ZSWIM6: variants seen among roughly 807,000 people sequenced by gnomAD.
ZSWIM6 encodes the protein zinc finger SWIM domain-containing protein 6.
ZSWIM6 carries 9 observed loss-of-function variants against 113.2 expected under a neutral mutation model. The observed-to-expected ratio is 0.08, with a 90% CI of 0.05 to 0.14. The LOEUF (loss-of-function observed/expected upper bound fraction) is 0.14. ZSWIM6 is among the 10% of genes least tolerant of loss of function. ZSWIM6 has a pLI of 1.00. For synonymous variants in ZSWIM6, 611 were observed against 606.5 expected, an observed-to-expected ratio of 1.01 and a Z score of -0.11; for missense variants, 1,162 against 1,552.2, an observed-to-expected ratio of 0.75 and a Z score of 4.22.
chr5:61,359,412 T>C (rs1226755723), intron 1 of ZSWIM6, among the ~76,000 whole-genome samples: 4 of 152,128 alleles, frequency 2.6e-5, no homozygotes, highest in Non-Finnish European at 5.9e-5. Context: ...TCTCCTCCCC[T>C]TTAAAAAAAT....
intron 1 of ZSWIM6, among the ~76,000 whole-genome samples, chr5:61,456,890 C>CT (rs57188174): frequency 0.2 from 27,982 of 142,540 alleles, 2,593 homozygotes; most frequent in African/African-American, 0.25. Flanking sequence ...TATCCAATTT[C>CT]TTTTTTTTTT....
intron 1 of ZSWIM6, among the ~76,000 whole-genome samples, chr5:61,341,111 C>G (rs1308926199): frequency 6.6e-6 from 1 of 152,214 alleles, no homozygotes; most frequent in Non-Finnish European, 1.5e-5. Context: ...CGGCCTGTGT[C>G]TACGTGGGTT....
intron 4 of ZSWIM6, among the ~76,000 whole-genome samples, chr5:61,506,774 C>T (rs976371317): frequency 2.6e-5 from 4 of 151,986 alleles, no homozygotes; most frequent in African/African-American, 9.7e-5. Flanking sequence ...CATTTCATGG[C>T]CTCTAAATAA....
intron 1 of ZSWIM6, among the ~76,000 whole-genome samples, chr5:61,387,102 AT>A (rs145108654): frequency 0.12 from 17,875 of 152,156 alleles, 1,118 homozygotes; most frequent in Middle Eastern, 0.16. Context: ...GTAGTTGCTT[AT>A]GTCAGAAAAT....
intron 1 of ZSWIM6, among the ~76,000 whole-genome samples, chr5:61,415,637 G>C (rs1746232764): frequency 6.6e-6 from 1 of 151,470 alleles, no homozygotes; most frequent in Non-Finnish European, 1.5e-5. Context: ...GAATATGTTT[G>C]TGTGTTGGGA....
chr5:61,358,560 T>A (rs574957733), intron 1 of ZSWIM6, among the ~76,000 whole-genome samples: 2 of 152,372 alleles, frequency 1.3e-5, no homozygotes, highest in South Asian at 4.1e-4. Flanking sequence ...CTGGAACATA[T>A]AGTCGTCTTA....
rs1187341169 is a variant in ZSWIM6 at position 61,543,254 on chromosome 5, T to G, written c.2786-201T>G. On this transcript the variant is annotated intron_variant, in intron 13 of 13. Coordinates refer to ENST00000252744, the MANE Select transcript of ZSWIM6 (RefSeq NM_020928.2). The surrounding 1 kb of genome is among the most constrained non-coding windows in gnomAD (Gnocchi z 4.3). ...TTATTATAGCAAGTTCATGTTCCTT[T>G]CAGGCATTTCACTGAATAACAATTC... Among the ~76,000 whole-genome samples, 1 of 152,234 alleles carries G rather than the reference T, an allele frequency of 6.6e-6. No homozygotes were observed. Among genetic ancestry groups the G allele is most frequent in the Non-Finnish European group, 1.5e-5 (1 of 68,034 alleles).
chr5:61,438,855 C>T (rs1746766450), intron 1 of ZSWIM6, among the ~76,000 whole-genome samples: 1 of 152,048 alleles, frequency 6.6e-6, no homozygotes, highest in East Asian at 1.9e-4. Flanking sequence ...GCAGGTTGTG[C>T]TGAGATGTGC....
intron 4 of ZSWIM6, among the ~76,000 whole-genome samples, chr5:61,496,833 CA>C (rs780258559): frequency 7.9e-5 from 12 of 152,100 alleles, no homozygotes; most frequent in Non-Finnish European, 1.2e-4. Flanking sequence ...GTCCTCTTAG[CA>C]AAAGCTAAGT....
At chr5:61,542,222 C>T (rs763309229) in intron 13 of ZSWIM6, among the ~76,000 whole-genome samples, 11 of 152,176 alleles carry the variant, frequency 7.2e-5, no homozygotes, top group Non-Finnish European at 4.4e-5. Context: ...AGTGAGTAAA[C>T]TGTTTTTATT....
At chr5:61,532,388 GGTAAAT>G (rs1208052351) in intron 9 of ZSWIM6, among the ~76,000 whole-genome samples, 4 of 152,156 alleles carry the variant, frequency 2.6e-5, no homozygotes, top group Non-Finnish European at 5.9e-5. Flanking sequence ...CCTCTGAAAA[GGTAAAT>G]GTAATTCATG....
chr5:61,395,346 A>G (rs1023856446), intron 1 of ZSWIM6, among the ~76,000 whole-genome samples: 1 of 152,124 alleles, frequency 6.6e-6, no homozygotes, highest in African/African-American at 2.4e-5. Context: ...GAGAGGACAG[A>G]CAGCAGGCTA....
intron 1 of ZSWIM6, among the ~76,000 whole-genome samples, chr5:61,356,200 G>C: frequency 6.6e-6 from 1 of 152,216 alleles, no homozygotes; most frequent in South Asian, 2.1e-4. Flanking sequence ...TCGGGTTCAA[G>C]TGATCTTCCT....
rs538428572 is a variant in ZSWIM6, at chr5:61,525,741, C to T, written c.1514-59C>T. 31 of 1,532,170 alleles carry T rather than the reference C, an allele frequency of 2.0e-5. No individual in the cohort carries two copies. In the African/African-American group the frequency reaches 3.7e-4, roughly 18 times the overall value. 94.9% of individuals were successfully genotyped at this position (1,532,170 alleles called of 1,614,324 possible). ...AACATCTGGCCACAGAATGGTATGA[C>T]TGATTTATTCACATGTGAATAATAG... On this transcript the variant is annotated intron_variant, in intron 5 of 13. Transcript: ENST00000252744.
chr5:61,442,401 A>C (rs557198364), intron 1 of ZSWIM6, among the ~76,000 whole-genome samples: 1 of 152,094 alleles, frequency 6.6e-6, no homozygotes, highest in Admixed American at 6.6e-5. Context: ...TGGCTGCTTC[A>C]TGCTTAGGAG....
At chr5:61,449,143 A>T (rs1747031369) in intron 1 of ZSWIM6, among the ~76,000 whole-genome samples, 1 of 152,204 alleles carries the variant, frequency 6.6e-6, no homozygotes, top group Non-Finnish European at 1.5e-5. Flanking sequence ...ATAGAGCAGT[A>T]ATTTAGAAAG....
intron 1 of ZSWIM6, chr5:61,390,712 C>G: frequency 1.2e-6 from 1 of 809,504 alleles, no homozygotes; most frequent in Non-Finnish European, 2.2e-6. Flanking sequence ...TTGAGTGGTG[C>G]CATGAATGCT....
intron 2 of ZSWIM6, among the ~76,000 whole-genome samples, chr5:61,481,102 G>GTTAA (rs1326642094): frequency 6.6e-6 from 1 of 152,160 alleles, no homozygotes; most frequent in African/African-American, 2.4e-5. Flanking sequence ...TTGGGTCACA[G>GTTAA]TTAAGATGAA....
Position 61,372,186 on chromosome 5 carries a change from G to A in ZSWIM6, c.676+39238G>A, listed in dbSNP as rs544929713. ...CATTCGTTTCCCTTTCTACCATTGC[G>A]CATAAATGCCATTTAAATGTGGAGA... On this transcript the variant is annotated intron_variant, in intron 1 of 13. Transcript: ENST00000252744. Among the ~76,000 whole-genome samples the A allele has an allele frequency of 1.1e-4, 16 of 151,000 alleles. No individual in the cohort carries two copies. The East Asian group carries it at 2.5e-3, about 24-fold the overall frequency.
Sources: gnomAD v4.1 joint callset for allele counts (sites outside exome capture counted in the v4.1 genomes callset) on GRCh38, gnomAD v4.1.1 for gene constraint, Gnocchi (gnomAD v3.1) non-coding constraint, MANE v1.5 for transcripts, NCBI Gene and HGNC (gene_info 2026-07-23, HGNC 2026-07-21) for gene names.